Variants in DLG2 observed in about 807,000 individuals in gnomAD.
DLG2 encodes the protein disks large homolog 2.
DLG2 carries 45 observed loss-of-function variants against 132.5 expected under a neutral mutation model. The observed-to-expected ratio is 0.34, with a 90% confidence interval of 0.27 to 0.44. DLG2 has a LOEUF of 0.44. DLG2 is among the 20% of genes least tolerant of loss of function. The pLI is 1.00. For synonymous variants in DLG2, 424 were observed against 419.6 expected (o/e 1.01, Z -0.13); for missense variants, 1,045 against 1,196.9 (o/e 0.87, Z 1.87).
At chr11:84,009,940 G>C (rs950899178) in intron 11 of DLG2, among the ~76,000 whole-genome samples, 3 of 152,020 alleles carry the variant, frequency 2.0e-5, no homozygotes, top group African/African-American at 7.2e-5. Context: ...GCCAAGACGC[G>C]AATCCAAGAC....
At chr11:85,015,952 C>A (rs1003729376) in intron 6 of DLG2, among the ~76,000 whole-genome samples, 1 of 151,896 alleles carries the variant, frequency 6.6e-6, no homozygotes, top group Admixed American at 6.6e-5. Flanking sequence ...GGGAGCAGCA[C>A]AAAAACAACA....
At chr11:83,547,635 C>T (rs930152719) in intron 19 of DLG2, among the ~76,000 whole-genome samples, 1 of 152,108 alleles carries the variant, frequency 6.6e-6, no homozygotes, top group African/African-American at 2.4e-5. Flanking sequence ...CATATGATGA[C>T]CTGAATGAGC....
chr11:85,478,881 A>C (rs2093216781), intron 3 of DLG2, among the ~76,000 whole-genome samples: 1 of 152,230 alleles, frequency 6.6e-6, no homozygotes, highest in Non-Finnish European at 1.5e-5. Context: ...ACAAATGCCA[A>C]ATAGGTTTAA....
At chr11:83,549,235 A>G (rs1363053648) in intron 19 of DLG2, among the ~76,000 whole-genome samples, 1 of 152,122 alleles carries the variant, frequency 6.6e-6, no homozygotes, top group Non-Finnish European at 1.5e-5. Flanking sequence ...TTGGACACAT[A>G]TGACCCATTT....
chr11:84,475,052 TA>T (rs1412634654), intron 7 of DLG2, among the ~76,000 whole-genome samples: 1 of 152,150 alleles, frequency 6.6e-6, no homozygotes, highest in African/African-American at 2.4e-5. Flanking sequence ...GCTATGACCA[TA>T]AAATCTGCTA....
rs1282071652 is a variant in DLG2 at position 83,493,332 on chromosome 11, TTTCTTTCCTTCC to T, written c.2194-9116_2194-9105del. Reference sequence around the variant, plus strand: ...ACTATTTGCCTTCCTTTGTCTTTTCTTTCTTTCCTTCCTTCCTTCCTTCCTTCCTTCCTTCCT... The same window carrying T: ...ACTATTTGCCTTCCTTTGTCTTTTCTTTCCTTCCTTCCTTCCTTCCTTCCT... On this transcript the variant is annotated intron_variant, in intron 21 of 27. Transcript: ENST00000376104. Among the ~76,000 whole-genome samples, 512 of 135,768 alleles carry T rather than the reference TTTCTTTCCTTCC, an allele frequency of 3.8e-3. 6 individuals carry two copies. Among genetic ancestry groups the T allele is most frequent in the African/African-American group, 0.014 (491 of 35,296 alleles). The allele number at this position is 135,768 out of a possible 152,430, so 89.1% of individuals were successfully genotyped here.
chr11:84,578,797 T>A (rs1211993204), intron 6 of DLG2, among the ~76,000 whole-genome samples: 2 of 151,990 alleles, frequency 1.3e-5, no homozygotes, highest in Admixed American at 6.6e-5. Context: ...GACATGAGAT[T>A]TTGAGGGGCC....
intron 8 of DLG2, among the ~76,000 whole-genome samples, chr11:84,242,950 C>A (rs2097252046): frequency 6.8e-6 from 1 of 146,832 alleles, no homozygotes; most frequent in Non-Finnish European, 1.5e-5. Flanking sequence ...GAAATTAAAC[C>A]AACACACAAA....
intron 10 of DLG2, among the ~76,000 whole-genome samples, chr11:84,080,731 C>A (rs11823256): frequency 2.6e-5 from 4 of 152,100 alleles, no homozygotes; most frequent in African/African-American, 9.7e-5. Flanking sequence ...GTGGCTTACA[C>A]ATAAAATCCC....
intron 6 of DLG2, among the ~76,000 whole-genome samples, chr11:84,656,496 T>G (rs1480699700): frequency 6.6e-6 from 1 of 152,168 alleles, no homozygotes; most frequent in Non-Finnish European, 1.5e-5. Context: ...AAATATAAGT[T>G]AAATATAGTA....
At chr11:83,863,587 A>G (rs1282094419) in intron 16 of DLG2, among the ~76,000 whole-genome samples, 1 of 152,162 alleles carries the variant, frequency 6.6e-6, no homozygotes, top group African/African-American at 2.4e-5. Flanking sequence ...GAGATCAGAG[A>G]GGGAACAAAT....
intron 6 of DLG2, among the ~76,000 whole-genome samples, chr11:84,884,197 T>C (rs981326746): frequency 2.4e-4 from 36 of 152,144 alleles, no homozygotes; most frequent in African/African-American, 8.7e-4. Flanking sequence ...TTAGAGAAAA[T>C]AAAAGCTTTT....
At chr11:83,609,964 G>C (rs1258471443) in intron 19 of DLG2, among the ~76,000 whole-genome samples, 1 of 152,170 alleles carries the variant, frequency 6.6e-6, no homozygotes, top group African/African-American at 2.4e-5. Context: ...TTAAATGCTT[G>C]TCCTTTTGGG....
intron 8 of DLG2, among the ~76,000 whole-genome samples, chr11:84,191,745 T>A (rs755873099): frequency 1.3e-5 from 2 of 152,198 alleles, no homozygotes; most frequent in East Asian, 3.9e-4. Flanking sequence ...TAAATAATCA[T>A]TGACAACTGC....
chr11:85,297,293 A>C (rs1033205540), intron 3 of DLG2, among the ~76,000 whole-genome samples: 1 of 152,172 alleles, frequency 6.6e-6, no homozygotes, highest in African/African-American at 2.4e-5. Context: ...TTCTAAAGTG[A>C]TAGTGGAAAG....
chr11:84,770,380 G>A (rs2069115237), intron 6 of DLG2, among the ~76,000 whole-genome samples: 1 of 152,070 alleles, frequency 6.6e-6, no homozygotes, highest in African/African-American at 2.4e-5. Flanking sequence ...TGTCATATGG[G>A]TTTGTTGTAC....
At chr11:84,421,724 A>C (rs1417993980) in intron 7 of DLG2, among the ~76,000 whole-genome samples, 1 of 152,166 alleles carries the variant, frequency 6.6e-6, no homozygotes, top group Non-Finnish European at 1.5e-5. Context: ...GCCCCAGCTG[A>C]CCTAAGCAAA....
At chr11:83,967,518 A>G (rs2090470598) in intron 12 of DLG2, among the ~76,000 whole-genome samples, 1 of 152,092 alleles carries the variant, frequency 6.6e-6, no homozygotes, top group South Asian at 2.1e-4. Flanking sequence ...TACCTGTTGG[A>G]CATTTTTGCA....
chr11:84,901,615 G>A (rs889310112), intron 6 of DLG2, among the ~76,000 whole-genome samples: 2 of 152,030 alleles, frequency 1.3e-5, no homozygotes, highest in Non-Finnish European at 2.9e-5. Flanking sequence ...CAGAATAAGA[G>A]AGTTAACTAT....
Sources: allele counts gnomAD v4.1 joint callset (sites outside exome capture counted in the v4.1 genomes callset), GRCh38; gene constraint gnomAD v4.1.1; transcripts MANE v1.5; gene names NCBI Gene and HGNC (gene_info 2026-07-23, HGNC 2026-07-21).